The following PREX1 variants were observed in gnomAD, a reference collection of about 807,000 sequenced individuals.
PREX1 encodes the protein phosphatidylinositol 3,4,5-trisphosphate-dependent Rac exchanger 1 protein.
PREX1 carries 41 observed loss-of-function variants against 198.3 expected under a neutral mutation model. The ratio of observed to expected loss-of-function variants is 0.21; its 90% CI spans 0.16 to 0.27. The LOEUF is 0.27. PREX1 is among the 10% of genes least tolerant of loss of function. The pLI, the probability that PREX1 is intolerant of heterozygous loss-of-function variation, is 1.00. For synonymous variants in PREX1, 843 were observed against 887.2 expected, an observed-to-expected ratio of 0.95 and a Z score of 0.89; for missense variants, 1,620 against 2,200.7, an observed-to-expected ratio of 0.74 and a Z score of 5.28.
the PREX1 span, among the ~76,000 whole-genome samples, chr20:48,839,154 T>C: frequency 6.6e-6 from 1 of 152,160 alleles, no homozygotes; most frequent in East Asian, 1.9e-4. Context: ...TTTAATTCTT[T>C]ACTACACTGC....
chr20:48,708,326 C>G lies in PREX1; in HGVS notation c.717G>C (p.Glu239Asp). 6.2e-7 allele frequency: 1 copy of G among 1,614,138 alleles called. No homozygotes were observed. Among genetic ancestry groups the G allele is most frequent in the Middle Eastern group, 1.6e-4 (1 of 6,062 alleles). ...AMKTVCSNIN[E>D]TKRQMEKLEA... is the part of the protein sequence containing the mutation. ...CCAGCTTCTCCATCTGCCGCTTGGT[C>G]TCATTGATGTTGGAGCAAACGGTCT... The change falls in exon 6 of 40, where the codon GAG (glutamate) becomes GAC (aspartate). Residue 239 changes from glutamate (E) to aspartate (D), a missense_variant. Physicochemically the swap from Glu to Asp is conservative, Grantham distance 45 (BLOSUM62 2). Transcript: ENST00000371941.
At chr20:48,806,135 G>T (rs1445402222) in intron 1 of PREX1, among the ~76,000 whole-genome samples, 5 of 152,170 alleles carry the variant, frequency 3.3e-5, no homozygotes, top group Non-Finnish European at 5.9e-5. Flanking sequence ...TTCCTCCCCA[G>T]TTGTGACAAC....
Position 48,627,900 on chromosome 20 carries a change from G to A in PREX1, c.4830C>T (p.Pro1610=), listed in dbSNP as rs773684448. The A allele has an allele frequency of 6.2e-7, 1 of 1,613,084 alleles. No individual in the cohort carries two copies. Among genetic ancestry groups the A allele is most frequent in the South Asian group, 1.1e-5 (1 of 91,014 alleles). The part of the protein sequence containing the change: ...AILARSHGLL[P]KCIMQATDIM... ...TGTCCGTGGCCTGCATGATGCACTT[G>A]GGCAGCAACCCGTGGCTCCGTGCCA... is the stretch of plus-strand genomic sequence containing the variant. The change falls in exon 38 of 40, where the codon CCC becomes CCT. Residue 1610 remains proline (P), a synonymous_variant. Coordinates refer to ENST00000371941, the MANE Select transcript of PREX1 (RefSeq NM_020820.4).
chr20:48,886,416 A>G, the PREX1 span, among the ~76,000 whole-genome samples: 6 of 152,104 alleles, frequency 3.9e-5, no homozygotes, highest in Admixed American at 6.5e-5. Context: ...GAAGCCTGGC[A>G]CACCCCCAGG....
chr20:48,863,586 C>CTTTTTTTTTTTTTTT, the PREX1 span, among the ~76,000 whole-genome samples: 2 of 104,352 alleles, frequency 1.9e-5, no homozygotes, highest in Non-Finnish European at 1.9e-5. Context: ...TTCATATTGT[C>CTTTTTTTTTTTTTTT]TTTTTTTTTT....
chr20:48,791,129 T>C (rs1441805251), intron 1 of PREX1, among the ~76,000 whole-genome samples: 4 of 151,496 alleles, frequency 2.6e-5, no homozygotes, highest in Non-Finnish European at 5.9e-5. Flanking sequence ...GCTAGCTGAC[T>C]TGGAACTGTG....
intron 4 of PREX1, among the ~76,000 whole-genome samples, chr20:48,731,949 T>C (rs1447911226): frequency 6.6e-6 from 1 of 152,128 alleles, no homozygotes; most frequent in African/African-American, 2.4e-5. Flanking sequence ...TAGCTGAACC[T>C]GAGGGAATAC....
chr20:48,764,724 G>C (rs925665974), intron 1 of PREX1, among the ~76,000 whole-genome samples: 5 of 148,612 alleles, frequency 3.4e-5, no homozygotes, highest in Admixed American at 6.9e-5. Flanking sequence ...AGTGGTTGCA[G>C]TGAGCCAAGA....
intron 1 of PREX1, among the ~76,000 whole-genome samples, chr20:48,824,934 T>C (rs1240212688): frequency 9.2e-5 from 14 of 152,076 alleles, no homozygotes; most frequent in Non-Finnish European, 7.4e-5. Flanking sequence ...AAGGCCTGCC[T>C]CTAACCACAT....
intron 1 of PREX1, among the ~76,000 whole-genome samples, chr20:48,753,369 C>G (rs1490662600): frequency 6.6e-6 from 1 of 152,156 alleles, no homozygotes; most frequent in Non-Finnish European, 1.5e-5. Flanking sequence ...CTAACCTGAG[C>G]CCAGTGGTTC....
chr20:48,634,582 C>T (rs1463283406), intron 33 of PREX1, 94 bp downstream of exon 33: 1 of 1,314,980 alleles, frequency 7.6e-7, no homozygotes, highest in East Asian at 2.4e-5. Flanking sequence ...GCAGCTGGCC[C>T]AGAGGCAGGG....
intron 14 of PREX1, among the ~76,000 whole-genome samples, chr20:48,674,936 T>TAAAACCATCTTGTCCTAGTTTGCCC (rs2089698298): frequency 6.6e-6 from 1 of 152,222 alleles, no homozygotes; most frequent in African/African-American, 2.4e-5. Context: ...GGTACCAGAA[T>TAAAACCATCTTGTCCTAGTTTGCCC]AAAACCATCT....
At chr20:48,695,769 T>C (rs1288894881) in intron 7 of PREX1, among the ~76,000 whole-genome samples, 4 of 152,248 alleles carry the variant, frequency 2.6e-5, no homozygotes, top group Non-Finnish European at 4.4e-5. Context: ...TCTTAATTAC[T>C]TATAGCAGAG....
intron 1 of PREX1, among the ~76,000 whole-genome samples, chr20:48,781,172 G>A (rs1601132445): frequency 6.6e-6 from 1 of 152,060 alleles, no homozygotes; most frequent in African/African-American, 2.4e-5. Flanking sequence ...GTTGGATCCT[G>A]AAAATAAAAA....
At chr20:48,789,043 T>G (rs1054676427) in intron 1 of PREX1, among the ~76,000 whole-genome samples, 1 of 152,160 alleles carries the variant, frequency 6.6e-6, no homozygotes, top group Non-Finnish European at 1.5e-5. Context: ...ATTACCCAGT[T>G]TCAGGTATTC....
intron 5 of PREX1, among the ~76,000 whole-genome samples, chr20:48,720,089 G>C (rs2089978690): frequency 1.3e-5 from 2 of 152,244 alleles, no homozygotes; most frequent in Admixed American, 6.5e-5. Context: ...CTTTGCACTG[G>C]CTGTTCCCTC....
chr20:48,782,296 G>A (rs370280551), intron 1 of PREX1, among the ~76,000 whole-genome samples: 15 of 152,130 alleles, frequency 9.9e-5, no homozygotes, highest in Non-Finnish European at 8.8e-5. Flanking sequence ...TGCGGTTCTC[G>A]TGGTATTGAA....
intron 1 of PREX1, among the ~76,000 whole-genome samples, chr20:48,797,847 G>A (rs948155614): frequency 2.0e-5 from 3 of 152,200 alleles, no homozygotes; most frequent in East Asian, 1.9e-4. Context: ...CAGGAGAGTC[G>A]ATGACAGGCC....
At position 48,632,590 on chromosome 20, in the gene PREX1, G is replaced by A. The variant is rs752386598; in HGVS notation, c.4317C>T (p.Val1439=). Residue 1439 remains valine (V), a synonymous_variant, in exon 34 of 40, where the codon GTC becomes GTT. Coordinates refer to ENST00000371941, the MANE Select transcript of PREX1 (RefSeq NM_020820.4). ...HIEGSRQALK[V]IFYLDSYHFS... ...AGTGGTAGCTGTCGAGGTAGAAGAT[G>A]ACCTTCAGCGCCTGCCGGCTGCCCT... is the stretch of plus-strand genomic sequence containing the variant. The A allele has an allele frequency of 1.9e-5, 30 of 1,613,872 alleles. No homozygotes were observed. Among genetic ancestry groups the A allele is most frequent in the Admixed American group, 5.0e-5 (3 of 60,002 alleles).
Sources: allele counts gnomAD v4.1 joint callset (sites outside exome capture counted in the v4.1 genomes callset), GRCh38; gene constraint gnomAD v4.1.1; transcripts MANE v1.5; gene names NCBI Gene and HGNC (gene_info 2026-07-23, HGNC 2026-07-21).